SLC35F4: variants seen among roughly 807,000 people sequenced by gnomAD.
SLC35F4 encodes chromosome 14 open reading frame 36.
SLC35F4 carries 24 observed loss-of-function variants against 44.2 expected under a neutral mutation model. That is an observed-to-expected ratio of 0.54 (90% confidence interval 0.39 to 0.76). The LOEUF is 0.76. Among genes scored for constraint, SLC35F4 ranks in the 30% least tolerant of loss-of-function variants. The pLI, the probability that SLC35F4 is intolerant of heterozygous loss-of-function variation, is 0.00. For synonymous variants in SLC35F4, 238 were observed against 223.6 expected, an observed-to-expected ratio of 1.06 and a Z score of -0.57; for missense variants, 562 against 586.1, an observed-to-expected ratio of 0.96 and a Z score of 0.42.
intron 1 of SLC35F4, among the ~76,000 whole-genome samples, chr14:57,721,021 A>C: frequency 1.4e-5 from 1 of 72,978 alleles, no homozygotes. Context: ...TATATGAGTT[A>C]ATAAACTCCT....
intron 6 of SLC35F4, among the ~76,000 whole-genome samples, chr14:57,568,530 A>C (rs968657418): frequency 1.3e-5 from 2 of 152,156 alleles, no homozygotes; most frequent in Admixed American, 1.3e-4. Flanking sequence ...AGAGGTGCTA[A>C]CCATATAATT....
chr14:57,593,874 C>T (rs1010922161), intron 2 of SLC35F4, 65 bp downstream of exon 2: 24 of 1,541,288 alleles, frequency 1.6e-5, no homozygotes, highest in Admixed American at 7.1e-5. Flanking sequence ...GTGACAATGG[C>T]GAGATCTTTC....
At chr14:57,967,888 CAG>C (rs1880929954) in intron 1 of SLC35F4, among the ~76,000 whole-genome samples, 1 of 152,118 alleles carries the variant, frequency 6.6e-6, no homozygotes, top group South Asian at 2.1e-4. Context: ...ATAGGTAAGA[CAG>C]AAAGTTAGTA....
At chr14:57,687,385 T>C (rs1359507078) in intron 1 of SLC35F4, among the ~76,000 whole-genome samples, 1 of 152,230 alleles carries the variant, frequency 6.6e-6, no homozygotes, top group Non-Finnish European at 1.5e-5. Flanking sequence ...ATATCTGCTA[T>C]GTGTATAATT....
chr14:57,768,419 T>C (rs1005771907), intron 1 of SLC35F4, among the ~76,000 whole-genome samples: 1 of 152,168 alleles, frequency 6.6e-6, no homozygotes, highest in Non-Finnish European at 1.5e-5. Flanking sequence ...GCAACCCTGT[T>C]CTCCAAAAGT....
At chr14:57,957,287 CA>C (rs1272155471) in intron 1 of SLC35F4, among the ~76,000 whole-genome samples, 1 of 151,680 alleles carries the variant, frequency 6.6e-6, no homozygotes, top group African/African-American at 2.4e-5. Context: ...CGGGGACTGT[CA>C]GGGGGTAGGG....
At chr14:57,831,227 T>C (rs954343709) in intron 1 of SLC35F4, among the ~76,000 whole-genome samples, 1 of 152,150 alleles carries the variant, frequency 6.6e-6, no homozygotes, top group African/African-American at 2.4e-5. Context: ...ATCTCTAATA[T>C]CTTTCTCTCC....
chr14:57,606,710 G>C (rs1007611062), intron 1 of SLC35F4, among the ~76,000 whole-genome samples: 5 of 152,126 alleles, frequency 3.3e-5, no homozygotes, highest in African/African-American at 1.2e-4. Context: ...CTCCTTTATG[G>C]ACTGTAGAAA....
rs554326973 is a variant in SLC35F4, at chr14:57,928,444, C to T, written n.282+53469G>A. Among the ~76,000 whole-genome samples the T allele has an allele frequency of 1.1e-4, 17 of 152,264 alleles. No individual in the cohort carries two copies. In the East Asian group the frequency reaches 3.3e-3, roughly 29 times the overall value. On this transcript the variant is annotated intron_variant and non_coding_transcript_variant, in intron 1 of 1. Coordinates refer to the SLC35F4 transcript ENST00000556568. Reference sequence around the variant, plus strand: ...AGTCAGTGGGCACCACGTGGAGAGCCGGAACTCCCACACCCACCCAACAGT... The same window carrying T: ...AGTCAGTGGGCACCACGTGGAGAGCTGGAACTCCCACACCCACCCAACAGT...
intron 1 of SLC35F4, among the ~76,000 whole-genome samples, chr14:57,879,969 C>T (rs948792112): frequency 8.4e-5 from 10 of 119,112 alleles, no homozygotes; most frequent in South Asian, 2.5e-4. Flanking sequence ...GAAGGAAGGA[C>T]GGAAGAATGG....
Position 57,865,775 on chromosome 14 carries a change from G to A in SLC35F4, c.51C>T (p.Ile17=), listed in dbSNP as rs2141022171. The A allele has an allele frequency of 6.6e-7, 1 of 1,524,152 alleles. No homozygotes were observed. The highest frequency in any genetic ancestry group is 2.5e-5 in the East Asian group (1 of 40,186). 94.4% of individuals were successfully genotyped at this position (1,524,152 alleles called of 1,614,324 possible). The change falls in exon 1 of 8, where the codon ATC becomes ATT. Residue 17 remains isoleucine (I), a synonymous_variant. Coordinates refer to ENST00000556826, the MANE Select transcript of SLC35F4 (RefSeq NM_001306087.2). ...PNGVATIEDR[I]LRITGYYGYY... is the part of the protein sequence containing the mutation. Reference sequence around the variant, plus strand: ...AGCCATAGTAGCCGGTGATCCGCAGGATCCGGTCCTCGATAGTGGCCACCC... The same window carrying A: ...AGCCATAGTAGCCGGTGATCCGCAGAATCCGGTCCTCGATAGTGGCCACCC...
intron 1 of SLC35F4, among the ~76,000 whole-genome samples, chr14:57,647,216 G>T (rs1262156205): frequency 1.1e-4 from 17 of 151,002 alleles, no homozygotes; most frequent in Non-Finnish European, 2.9e-5. Context: ...AATGTTGACG[G>T]TGGGGTGTTA....
At chr14:57,808,742 G>C (rs919304329) in intron 1 of SLC35F4, among the ~76,000 whole-genome samples, 12 of 152,172 alleles carry the variant, frequency 7.9e-5, no homozygotes, top group African/African-American at 1.2e-4. Context: ...GGAGGTCAAG[G>C]CTGCAGTGAG....
chr14:57,646,732 C>T (rs1205945328), intron 1 of SLC35F4, among the ~76,000 whole-genome samples: 1 of 152,164 alleles, frequency 6.6e-6, no homozygotes, highest in Admixed American at 6.5e-5. Context: ...AAATTTAGAT[C>T]TTTCCTGCTT....
intron 1 of SLC35F4, among the ~76,000 whole-genome samples, chr14:57,890,798 T>C (rs1888745435): frequency 1.3e-5 from 2 of 152,328 alleles, no homozygotes; most frequent in South Asian, 4.1e-4. Context: ...GCTGGACCCA[T>C]AATTGAATGT....
At chr14:57,965,923 C>T (rs776808132) in intron 1 of SLC35F4, among the ~76,000 whole-genome samples, 1 of 152,174 alleles carries the variant, frequency 6.6e-6, no homozygotes, top group Non-Finnish European at 1.5e-5. Flanking sequence ...TATCTTTCTG[C>T]TTTGTAATCT....
At chr14:57,767,655 A>G (rs1046949614) in intron 1 of SLC35F4, among the ~76,000 whole-genome samples, 8 of 152,164 alleles carry the variant, frequency 5.3e-5, no homozygotes, top group Non-Finnish European at 1.2e-4. Flanking sequence ...AAGCAAATAT[A>G]AAGATGGAAA....
chr14:57,916,158 A>T (rs1889325724), intron 1 of SLC35F4, among the ~76,000 whole-genome samples: 1 of 152,202 alleles, frequency 6.6e-6, no homozygotes, highest in South Asian at 2.1e-4. Context: ...GGAAGGGGGA[A>T]GCAGGGATGA....
At chr14:57,662,303 G>A (rs1331031048) in intron 1 of SLC35F4, among the ~76,000 whole-genome samples, 1 of 152,184 alleles carries the variant, frequency 6.6e-6, no homozygotes, top group Non-Finnish European at 1.5e-5. Flanking sequence ...TGTGATTAGA[G>A]CATGCCGTGA....
Sources: allele counts gnomAD v4.1 joint callset (sites outside exome capture counted in the v4.1 genomes callset), GRCh38; gene constraint gnomAD v4.1.1; transcripts MANE v1.5; gene names NCBI Gene and HGNC (gene_info 2026-07-23, HGNC 2026-07-21).